RORA: variants seen among roughly 807,000 people sequenced by gnomAD.
RORA encodes nuclear receptor ROR-alpha.
A neutral mutation model predicts 69.5 loss-of-function variants in RORA; 7 were observed. The ratio of observed to expected loss-of-function variants is 0.10; its 90% CI spans 0.06 to 0.19. The LOEUF (loss-of-function observed/expected upper bound fraction) is 0.19, where lower values mean the gene tolerates loss of function less well. Ranked by LOEUF, RORA falls within the 10% of genes least tolerant of loss-of-function variation. RORA has a pLI of 1.00. For synonymous variants in RORA, 261 were observed against 240.8 expected (o/e 1.08, Z -0.78); for missense variants, 457 against 663.0 (o/e 0.69, Z 3.41).
chr15:60,781,561 C>T (rs1011149891), intron 1 of RORA, among the ~76,000 whole-genome samples: 2 of 152,082 alleles, frequency 1.3e-5, no homozygotes, highest in African/African-American at 4.8e-5. Context: ...TGCTGCTCCA[C>T]GGGCAAGTGC....
At chr15:60,757,353 T>C (rs538563925) in intron 1 of RORA, among the ~76,000 whole-genome samples, 3 of 152,286 alleles carry the variant, frequency 2.0e-5, no homozygotes, top group South Asian at 4.1e-4. Flanking sequence ...CAACCAGCTA[T>C]ACACAGGTTC....
At chr15:60,993,993 A>G (rs889884754) in intron 1 of RORA, among the ~76,000 whole-genome samples, 3 of 152,208 alleles carry the variant, frequency 2.0e-5, no homozygotes, top group Non-Finnish European at 4.4e-5. Flanking sequence ...GGGGCAAAAA[A>G]CATGTGTTAC....
At chr15:60,933,562 T>C (rs28705880) in intron 1 of RORA, among the ~76,000 whole-genome samples, 1 of 151,926 alleles carries the variant, frequency 6.6e-6, no homozygotes, top group Non-Finnish European at 1.5e-5. Context: ...CGCATTATTC[T>C]GAATCGCAGG....
intron 1 of RORA, among the ~76,000 whole-genome samples, chr15:60,879,055 C>T (rs757644859): frequency 7.9e-5 from 12 of 152,184 alleles, no homozygotes; most frequent in Non-Finnish European, 1.2e-4. Flanking sequence ...TAAAATCTGG[C>T]TGGCCTTGGT....
intron 1 of RORA, among the ~76,000 whole-genome samples, chr15:60,729,352 T>C (rs2071401505): frequency 6.6e-6 from 1 of 152,094 alleles, no homozygotes; most frequent in Non-Finnish European, 1.5e-5. Flanking sequence ...TTTAAAAGAG[T>C]GTCCTGGAGA....
intron 1 of RORA, among the ~76,000 whole-genome samples, chr15:61,074,605 C>T (rs1360366791): frequency 6.6e-6 from 1 of 152,146 alleles, no homozygotes; most frequent in Non-Finnish European, 1.5e-5. Flanking sequence ...GCTTATCCTT[C>T]CTTCTTATAG....
intron 2 of RORA, among the ~76,000 whole-genome samples, chr15:60,581,107 T>C (rs192177459): frequency 6.6e-6 from 1 of 152,334 alleles, no homozygotes; most frequent in African/African-American, 2.4e-5. Flanking sequence ...AACATATTTC[T>C]AGCAAACGAA....
At chr15:61,135,161 A>AAAAAAAAAAAAC in intron 1 of RORA, among the ~76,000 whole-genome samples, 1 of 150,950 alleles carries the variant, frequency 6.6e-6, no homozygotes, top group African/African-American at 2.4e-5. Flanking sequence ...AAAAAAAAAA[A>AAAAAAAAAAAAC]AAAAAAAAAA....
intron 2 of RORA, among the ~76,000 whole-genome samples, chr15:60,550,037 A>G (rs1181503171): frequency 2.0e-5 from 3 of 152,248 alleles, no homozygotes; most frequent in Admixed American, 6.5e-5. Flanking sequence ...TCACGCCTGT[A>G]ATCCCAGCAC....
chr15:60,812,425 G>C (rs1221231766), intron 1 of RORA, among the ~76,000 whole-genome samples: 2 of 152,270 alleles, frequency 1.3e-5, no homozygotes, highest in South Asian at 4.1e-4. Context: ...TGGAAGAATT[G>C]CTATAGCCTA....
intron 2 of RORA, among the ~76,000 whole-genome samples, chr15:60,562,958 G>A (rs979307216): frequency 1.3e-5 from 2 of 152,116 alleles, no homozygotes; most frequent in Admixed American, 1.3e-4. Flanking sequence ...AAATTCACTT[G>A]TAACTGCTGT....
At chr15:60,567,558 G>A (rs1016937023) in intron 2 of RORA, among the ~76,000 whole-genome samples, 1 of 151,872 alleles carries the variant, frequency 6.6e-6, no homozygotes, top group African/African-American at 2.4e-5. Context: ...CTACAGGCAT[G>A]CACCACCACA....
At chr15:60,514,455 G>C (rs1289596613) in intron 4 of RORA, among the ~76,000 whole-genome samples, 161 bp downstream of exon 4, 2 of 152,162 alleles carry the variant, frequency 1.3e-5, no homozygotes, top group African/African-American at 2.4e-5. Flanking sequence ...AGCAGCTGCT[G>C]TGAGTTCCAT....
intron 1 of RORA, among the ~76,000 whole-genome samples, chr15:60,734,849 T>A (rs1011734402): frequency 3.4e-4 from 51 of 152,236 alleles, no homozygotes; most frequent in African/African-American, 1.1e-3. Context: ...AATGGCTAAC[T>A]AAACTGTTTT....
chr15:61,079,778 C>T (rs2078511313), intron 1 of RORA, among the ~76,000 whole-genome samples: 1 of 152,178 alleles, frequency 6.6e-6, no homozygotes, highest in South Asian at 2.1e-4. Flanking sequence ...GGGAGTTTTA[C>T]ACGAGCTTTA....
Position 61,147,179 on chromosome 15 carries a change from T to C in RORA, c.166+81874A>G, listed in dbSNP as rs567550725. Among the ~76,000 whole-genome samples, 6 of 152,296 alleles carry C rather than the reference T, an allele frequency of 3.9e-5. No individual in the cohort carries two copies. Among genetic ancestry groups the C allele is most frequent in the Non-Finnish European group, 7.4e-5 (5 of 68,024 alleles). On this transcript the variant is annotated intron_variant, in intron 1 of 10. Coordinates refer to ENST00000335670, the MANE Select transcript of RORA (RefSeq NM_134261.3). This position sits in a 1 kb window ranked among gnomAD's most constrained non-coding sequence, Gnocchi z 4.1. ...TATTTTATTCCCCAGAACCTTTGCA[T>C]GCGTCAACCACTAGTCATGCCTTGA...
chr15:61,202,549 C>T (rs1338406410), intron 1 of RORA, among the ~76,000 whole-genome samples: 1 of 152,152 alleles, frequency 6.6e-6, no homozygotes, highest in Non-Finnish European at 1.5e-5. Flanking sequence ...TTCATCTACA[C>T]ATACCCTAGG....
At position 60,531,406 on chromosome 15, in the gene RORA, C is replaced by G. The variant is rs1425468973; in HGVS notation, c.282+360G>C. The stretch of plus-strand genomic sequence containing the variant: ...TCAACTCAGTGACATTCCAATTAAA[C>G]TTACTGGAGATGTCTTTTTATAAGC... On this transcript the variant is annotated intron_variant, in intron 3 of 10. Coordinates refer to ENST00000335670, the MANE Select transcript of RORA (RefSeq NM_134261.3). This position sits in a 1 kb window ranked among gnomAD's most constrained non-coding sequence, Gnocchi z 4.8. 2 of 196,290 alleles carry G rather than the reference C, an allele frequency of 1.0e-5. No homozygotes were observed. Among genetic ancestry groups the G allele is most frequent in the Non-Finnish European group, 2.0e-5 (2 of 98,700 alleles). 12.2% of individuals were successfully genotyped at this position (196,290 alleles called of 1,614,324 possible).
At chr15:61,138,285 C>T (rs1486820712) in intron 1 of RORA, among the ~76,000 whole-genome samples, 1 of 151,992 alleles carries the variant, frequency 6.6e-6, no homozygotes, top group Admixed American at 6.6e-5. Flanking sequence ...TATCTATGAG[C>T]ATGAGACACT....
Sources: allele counts gnomAD v4.1 joint callset (sites outside exome capture counted in the v4.1 genomes callset), GRCh38; gene constraint gnomAD v4.1.1; non-coding constraint Gnocchi (gnomAD v3.1); transcripts MANE v1.5; gene names NCBI Gene and HGNC (gene_info 2026-07-23, HGNC 2026-07-21).